ZNF407: variants seen among roughly 807,000 people sequenced by gnomAD.
ZNF407 encodes zinc finger protein 407.
A neutral mutation model predicts 131.2 loss-of-function variants in ZNF407; 17 were observed. The observed-to-expected ratio is 0.13, with a 90% CI of 0.09 to 0.19. The LOEUF (loss-of-function observed/expected upper bound fraction) is 0.19. Among genes scored for constraint, ZNF407 ranks in the 10% least tolerant of loss-of-function variants. The pLI, the probability that ZNF407 is intolerant of heterozygous loss-of-function variation, is 1.00. For synonymous variants in ZNF407, 1,156 were observed against 1,062.0 expected, an observed-to-expected ratio of 1.09 and a Z score of -1.72; for missense variants, 2,681 against 2,830.6, an observed-to-expected ratio of 0.95 and a Z score of 1.20.
At chr18:74,760,658 A>G (rs1424657467) in intron 3 of ZNF407, among the ~76,000 whole-genome samples, 2 of 152,188 alleles carry the variant, frequency 1.3e-5, no homozygotes, top group Non-Finnish European at 2.9e-5. Context: ...AACCCTGAGC[A>G]TGGAGTGTTT....
intron 6 of ZNF407, among the ~76,000 whole-genome samples, chr18:74,888,394 C>A (rs574771349): frequency 7.2e-5 from 11 of 151,884 alleles, no homozygotes; most frequent in Admixed American, 3.9e-4. Flanking sequence ...TTAATTTAAC[C>A]AAATTCAAAT....
intron 3 of ZNF407, among the ~76,000 whole-genome samples, chr18:74,687,962 G>A (rs895520462): frequency 1.1e-4 from 16 of 151,908 alleles, no homozygotes; most frequent in Admixed American, 7.2e-4. Flanking sequence ...ATATTATTCT[G>A]AATTAAAAAG....
chr18:75,050,070 G>A (rs568479220), intron 8 of ZNF407, among the ~76,000 whole-genome samples: 4 of 151,980 alleles, frequency 2.6e-5, no homozygotes, highest in African/African-American at 4.8e-5. Flanking sequence ...GTATAATGTG[G>A]TTCAAATATT....
At position 75,064,006 on chromosome 18, in the gene ZNF407, C is replaced by G; in HGVS notation, c.6285C>G (p.Gly2095=). The change falls in exon 9 of 9, where the codon GGC becomes GGG. Residue 2095 remains glycine, a synonymous_variant. Transcript: ENST00000299687. ...CTGTGTGTGACACGGCCGCGGCCGG[C>G]CAGTTGGTCAAGGACGGTGTCACCC... The part of the protein sequence containing the change: ...QFAVCDTAAA[G]QLVKDGVTQV... 6.2e-7 allele frequency: 1 copy of G among 1,609,748 alleles called. No individual in the cohort carries two copies. Among genetic ancestry groups the G allele is most frequent in the East Asian group, 2.2e-5 (1 of 44,636 alleles).
rs185750014 is a variant in ZNF407 at position 74,921,572 on chromosome 18, C to T, written c.5428+880C>T. On this transcript the variant is annotated intron_variant, in intron 8 of 8. Coordinates refer to ENST00000299687, the MANE Select transcript of ZNF407 (RefSeq NM_017757.3). ...TGCTTCTCATTATTGGCCATATGAC[C>T]TCAGGCAGGCTGACCTCACCAAGCC... is the stretch of plus-strand genomic sequence containing the variant. Among the ~76,000 whole-genome samples, 388 of 152,290 alleles carry T rather than the reference C, an allele frequency of 2.5e-3. 7 individuals are homozygous for T. The highest frequency in any genetic ancestry group is 0.023 in the Admixed American group (353 of 15,298).
intron 3 of ZNF407, among the ~76,000 whole-genome samples, chr18:74,664,796 G>A (rs1985867688): frequency 6.6e-6 from 1 of 151,954 alleles, no homozygotes; most frequent in South Asian, 2.1e-4. Context: ...TTTTGGCGCT[G>A]CGTATCTGTG....
chr18:74,634,182 G>A lies in ZNF407; in HGVS notation c.3163G>A (p.Ala1055Thr), dbSNP rs753831305. The A allele has an allele frequency of 1.1e-5, 18 of 1,613,870 alleles. No homozygotes were observed. The Admixed American group carries it at 1.2e-4, about 10-fold the overall frequency. The change falls in exon 2 of 9, where the codon GCG becomes ACG. Residue 1055 changes from alanine to threonine, a missense_variant. Ala to Thr is a moderately conservative substitution (Grantham distance 58, BLOSUM62 0). This residue lies in a region of ZNF407 where 1,789 missense variants were observed against 1,748.7 expected (regional missense o/e 1.02). Transcript: ENST00000299687. Reference sequence around the variant, plus strand: ...TTATTGCATGGCATGCGATTACTACGCGGTGACTCGTCGCGAGATGACCAG... The same window carrying A: ...TTATTGCATGGCATGCGATTACTACACGGTGACTCGTCGCGAGATGACCAG... ...EFYCMACDYY[A>T]VTRREMTRHA...
chr18:74,630,393 G>A (rs757600229), intron 1 of ZNF407, among the ~76,000 whole-genome samples: 2 of 151,982 alleles, frequency 1.3e-5, no homozygotes, highest in Non-Finnish European at 2.9e-5. Flanking sequence ...GGATGGTCTC[G>A]ATCTCCTGAC....
chr18:74,948,951 C>T (rs1972184225), intron 8 of ZNF407, among the ~76,000 whole-genome samples: 1 of 152,124 alleles, frequency 6.6e-6, no homozygotes, highest in East Asian at 1.9e-4. Context: ...TTAGACAGCA[C>T]ACTAGTGTGT....
chr18:74,792,866 A>C (rs1325496819), intron 4 of ZNF407, among the ~76,000 whole-genome samples: 1 of 152,224 alleles, frequency 6.6e-6, no homozygotes, highest in Non-Finnish European at 1.5e-5. Context: ...AGGGTCACAA[A>C]GACACGTCAA....
At chr18:75,062,737 G>A (rs562982600) in intron 8 of ZNF407, 120 of 161,114 alleles carry the variant, frequency 7.4e-4, no homozygotes, top group Middle Eastern at 2.9e-3. Flanking sequence ...AAGATTTTCC[G>A]TTGGGTTAGG....
At chr18:74,991,543 A>G (rs1342247940) in intron 8 of ZNF407, among the ~76,000 whole-genome samples, 1 of 152,232 alleles carries the variant, frequency 6.6e-6, no homozygotes, top group Non-Finnish European at 1.5e-5. Context: ...GCATTATAGC[A>G]TATACATATA....
At position 74,657,667 on chromosome 18, in the gene ZNF407, C is replaced by T. The variant is rs537083553; in HGVS notation, c.4802+16545C>T. 2.0e-5 allele frequency among the ~76,000 whole-genome samples: 3 copies of T among 152,286 alleles called. No homozygotes were observed. In the East Asian group the frequency reaches 5.8e-4, roughly 29 times the overall value. On this transcript the variant is annotated intron_variant, in intron 3 of 8. Transcript: ENST00000299687. ...AAAGTGTTCACCTCCACGTTGGTTC[C>T]TGGCTTTCTTTCCTCGGCATTGTCT...
chr18:74,613,943 T>C (rs562640865), intron 1 of ZNF407, among the ~76,000 whole-genome samples: 88 of 152,332 alleles, frequency 5.8e-4, no homozygotes, highest in African/African-American at 1.7e-3. Flanking sequence ...TTTACAGTTA[T>C]TGAATATAAT....
At chr18:74,759,745 A>C (rs1056674378) in intron 3 of ZNF407, among the ~76,000 whole-genome samples, 2 of 146,394 alleles carry the variant, frequency 1.4e-5, no homozygotes, top group Non-Finnish European at 3.0e-5. Context: ...TTATTTGTTA[A>C]CCCATAATTC....
intron 1 of ZNF407, among the ~76,000 whole-genome samples, chr18:74,629,268 T>C (rs1316779502): frequency 6.6e-6 from 1 of 152,218 alleles, no homozygotes; most frequent in Non-Finnish European, 1.5e-5. Flanking sequence ...TGAAATGGTA[T>C]CTCCTTGTGG....
chr18:74,630,393 G>T (rs757600229), intron 1 of ZNF407, among the ~76,000 whole-genome samples: 15 of 152,100 alleles, frequency 9.9e-5, no homozygotes, highest in South Asian at 4.2e-4. Flanking sequence ...GGATGGTCTC[G>T]ATCTCCTGAC....
At chr18:74,756,809 T>C (rs544419382) in intron 3 of ZNF407, among the ~76,000 whole-genome samples, 5 of 152,264 alleles carry the variant, frequency 3.3e-5, no homozygotes, top group Admixed American at 6.5e-5. Flanking sequence ...TTAAAATTTC[T>C]TGTTTAGTTG....
At chr18:75,002,450 G>A (rs1339677315) in intron 8 of ZNF407, among the ~76,000 whole-genome samples, 1 of 152,112 alleles carries the variant, frequency 6.6e-6, no homozygotes, top group East Asian at 1.9e-4. Context: ...AATCACCTAA[G>A]AGCAGCAGGA....
Sources: allele counts gnomAD v4.1 joint callset (sites outside exome capture counted in the v4.1 genomes callset), GRCh38; gene constraint gnomAD v4.1.1; regional missense constraint gnomAD v4.1.1; transcripts MANE v1.5; gene names NCBI Gene and HGNC (gene_info 2026-07-23, HGNC 2026-07-21).